Variants in ATG3 observed in about 807,000 individuals in gnomAD.
ATG3 encodes autophagy related 3, also known as ubiquitin-like-conjugating enzyme ATG3.
In ATG3, 25 loss-of-function variants were observed where a neutral mutation model predicts 50.7. The observed-to-expected ratio is 0.49, with a 90% CI of 0.36 to 0.69. ATG3 has a LOEUF of 0.69. Ranked by LOEUF, ATG3 falls within the 30% of genes least tolerant of loss-of-function variation. The probability of loss-of-function intolerance (pLI) is 0.00; values close to 1 mark genes in which losing one functional copy is unlikely to be tolerated. For missense variants in ATG3, 281 were observed against 376.0 expected, an observed-to-expected ratio of 0.75 and a Z score of 2.09; for synonymous variants, 119 against 125.5, an observed-to-expected ratio of 0.95 and a Z score of 0.34.
At chr3:112,559,657 A>G (rs1280801092) in intron 1 of ATG3, among the ~76,000 whole-genome samples, 1 of 152,252 alleles carries the variant, frequency 6.6e-6, no homozygotes, top group Non-Finnish European at 1.5e-5. Context: ...TTAAGTGCGA[A>G]GCGCGTTTCA....
chr3:112,534,578 C>T, intron 10 of ATG3: 1 of 232,928 alleles, frequency 4.3e-6, no homozygotes, highest in Non-Finnish European at 8.2e-6. Context: ...ATTGTTATGC[C>T]ATGCCAACAG....
At chr3:112,550,916 T>C (rs185767563) in intron 3 of ATG3, among the ~76,000 whole-genome samples, 1 of 152,364 alleles carries the variant, frequency 6.6e-6, no homozygotes, top group East Asian at 1.9e-4. Context: ...AAATATCCCA[T>C]TTTATAGTTA....
chr3:112,548,376 G>C (rs567170760), intron 5 of ATG3, among the ~76,000 whole-genome samples, 157 bp downstream of exon 5: 6 of 152,192 alleles, frequency 3.9e-5, no homozygotes, highest in African/African-American at 1.2e-4. Context: ...TACTCTAAAG[G>C]CTTCTTTTTT....
In ATG3 at chr3:112,536,592, G is replaced by GTTA. The variant is rs1933055031; in HGVS notation, c.676_677insTAA (p.Pro226delinsLeuThr). On this transcript the variant is annotated protein_altering_variant, in exon 10 of 12. Coordinates refer to ENST00000283290, the MANE Select transcript of ATG3 (RefSeq NM_022488.5). The stretch of plus-strand genomic sequence containing the variant: ...TTCATACATGTGCTCAACTGTTAAA[G>GTTA]GCTGCCGTTGCTGAAAGCATAAAAA... 2 of 1,614,006 alleles carry GTTA rather than the reference G, an allele frequency of 1.2e-6. No individual in the cohort carries two copies. Among genetic ancestry groups the GTTA allele is most frequent in the Non-Finnish European group, 1.7e-6 (2 of 1,179,954 alleles).
At chr3:112,535,313 T>A (rs1356997960) in intron 10 of ATG3, 1 of 152,162 alleles carries the variant, frequency 6.6e-6, no homozygotes, top group Non-Finnish European at 1.5e-5. Context: ...TAAAATGTCC[T>A]TGAAGTTTTA....
intron 6 of ATG3, 140 bp downstream of exon 6, chr3:112,543,917 C>G (rs538756610): frequency 9.1e-6 from 5 of 548,514 alleles, no homozygotes; most frequent in Non-Finnish European, 1.5e-5. Context: ...AAGAAAACAG[C>G]TGGAATTTAA....
At chr3:112,533,822 A>G (rs899128378) in intron 11 of ATG3, 2 of 986,262 alleles carry the variant, frequency 2.0e-6, no homozygotes, top group East Asian at 1.1e-4. Context: ...TGAACGTACT[A>G]TATTTTAAGA....
At chr3:112,552,881 C>T (rs773507505) in intron 3 of ATG3, among the ~76,000 whole-genome samples, 4 of 152,032 alleles carry the variant, frequency 2.6e-5, no homozygotes, top group Non-Finnish European at 4.4e-5. Flanking sequence ...CTCCTGACCT[C>T]GTGATCTGCC....
chr3:112,559,660 G>C (rs185682794), intron 1 of ATG3, among the ~76,000 whole-genome samples: 1 of 152,182 alleles, frequency 6.6e-6, no homozygotes, highest in Non-Finnish European at 1.5e-5. Flanking sequence ...AGTGCGAAGC[G>C]CGTTTCAGAT....
At chr3:112,546,580 T>C (rs1252385579) in intron 5 of ATG3, among the ~76,000 whole-genome samples, 2 of 151,910 alleles carry the variant, frequency 1.3e-5, no homozygotes, top group African/African-American at 4.9e-5. Flanking sequence ...TCCTATGGGT[T>C]GTTTCTCTAG....
intron 1 of ATG3, among the ~76,000 whole-genome samples, chr3:112,560,438 G>GT (rs1933824059): frequency 6.6e-6 from 1 of 152,038 alleles, no homozygotes. Context: ...TTACAAAAAC[G>GT]TATTTTAAAA....
intron 11 of ATG3, 127 bp downstream of exon 11, chr3:112,534,142 C>T (rs958255043): frequency 8.3e-6 from 12 of 1,444,202 alleles, no homozygotes; most frequent in African/African-American, 4.3e-5. Context: ...AAGACTTCTA[C>T]TAGGATTTTC....
intron 2 of ATG3, among the ~76,000 whole-genome samples, chr3:112,556,976 C>G (rs1283504029): frequency 6.6e-6 from 1 of 151,592 alleles, no homozygotes; most frequent in Admixed American, 6.6e-5. Flanking sequence ...TCCTGTGACC[C>G]TGCCAAATCC....
At chr3:112,538,290 T>G (rs1434711939) in intron 7 of ATG3, 110 bp from the exon 8 acceptor site, 1 of 793,408 alleles carries the variant, frequency 1.3e-6, no homozygotes, top group African/African-American at 1.8e-5. Context: ...GTTTTGCCTT[T>G]GTTTTTAAGT....
intron 11 of ATG3, chr3:112,533,079 A>C (rs1559840699): frequency 2.0e-6 from 2 of 1,023,844 alleles, no homozygotes; most frequent in South Asian, 8.0e-5. Context: ...AAATGAGTAC[A>C]AAATGTACTC....
intron 3 of ATG3, among the ~76,000 whole-genome samples, chr3:112,551,372 T>C (rs1933522708): frequency 6.6e-6 from 1 of 152,214 alleles, no homozygotes; most frequent in Admixed American, 6.5e-5. Flanking sequence ...TGATAGCACT[T>C]GTGCACGTGA....
rs749621629 is a variant in ATG3, at chr3:112,548,533, C to T, written c.343G>A (p.Gly115Ser). The change falls in exon 5 of 12, where the codon GGT becomes AGT. Residue 115 changes from glycine to serine, a missense_variant and splice_region_variant. Physicochemically the swap from Gly to Ser is moderately conservative, Grantham distance 56. This residue lies in a region of ATG3 where 242 missense variants were observed against 305.0 expected (regional missense o/e 0.79). Coordinates refer to ENST00000283290, the MANE Select transcript of ATG3 (RefSeq NM_022488.5). ...GGWVDTYHNT[G>S]ITGITEAVKE... ...ATATGTCATTTTATTCTCCTCTTAC[C>T]TGTGTTGTGATATGTATCTACCCAT... 6.3e-7 allele frequency: 1 copy of T among 1,599,272 alleles called. No individual in the cohort carries two copies. Among genetic ancestry groups the T allele is most frequent in the Non-Finnish European group, 8.6e-7 (1 of 1,166,742 alleles).
intron 2 of ATG3, among the ~76,000 whole-genome samples, chr3:112,555,293 C>T (rs1343585218): frequency 6.6e-6 from 1 of 152,162 alleles, no homozygotes; most frequent in Non-Finnish European, 1.5e-5. Context: ...TAACTTGCTT[C>T]ACGTGTTCAA....
chr3:112,557,195 G>A (rs941729594), intron 2 of ATG3, among the ~76,000 whole-genome samples: 9 of 137,842 alleles, frequency 6.5e-5, no homozygotes, highest in African/African-American at 2.5e-4. Context: ...TGGACTACAG[G>A]CGCCCACCAT....
Sources: gnomAD v4.1 joint callset for allele counts (sites outside exome capture counted in the v4.1 genomes callset) on GRCh38, gnomAD v4.1.1 for gene constraint, gnomAD v4.1.1 regional missense constraint, MANE v1.5 for transcripts, NCBI Gene and HGNC (gene_info 2026-07-23, HGNC 2026-07-21) for gene names.